Variants in ZSCAN21 observed in about 807,000 individuals in gnomAD.
ZSCAN21 encodes the protein zinc finger and SCAN domain containing 21.
A neutral mutation model predicts 35.6 loss-of-function variants in ZSCAN21; 26 were observed. The ratio of observed to expected loss-of-function variants is 0.73; its 90% CI spans 0.54 to 1.01. The LOEUF (loss-of-function observed/expected upper bound fraction) is 1.01. Ranked by LOEUF, ZSCAN21 falls within the 50% of genes least tolerant of loss-of-function variation. The pLI, the probability that ZSCAN21 is intolerant of heterozygous loss-of-function variation, is 0.00. For synonymous variants in ZSCAN21, 219 were observed against 219.3 expected (o/e 1.00, Z 0.01); for missense variants, 593 against 587.1 (o/e 1.01, Z -0.10).
intron 1 of ZSCAN21, chr7:100,051,676 G>C (rs1791886002): frequency 6.6e-6 from 1 of 151,856 alleles, no homozygotes; most frequent in South Asian, 2.1e-4. Flanking sequence ...TAGAATCTAT[G>C]GTAATTTGAT....
Position 100,064,952 on chromosome 7 carries a change from CAT to C in ZSCAN21, c.*340_*341del. The C allele has an allele frequency of 6.2e-7, 1 of 1,606,664 alleles. No homozygotes were observed. The highest frequency in any genetic ancestry group is 8.5e-7 in the Non-Finnish European group (1 of 1,175,488). ...AACATTAAGATTGTTTAATTTTTAA[CAT>C]ATATTCAAGAATTTTAATTTGTAAA... On this transcript the variant is annotated 3_prime_UTR_variant, in exon 4 of 4. Coordinates refer to ENST00000292450, the MANE Select transcript of ZSCAN21 (RefSeq NM_145914.3).
chr7:100,053,909 A>G (rs932361743), intron 1 of ZSCAN21, among the ~76,000 whole-genome samples: 1 of 151,980 alleles, frequency 6.6e-6, no homozygotes, highest in Non-Finnish European at 1.5e-5. Context: ...CCAGTTCACC[A>G]TGTTGGCCAG....
Position 100,057,822 on chromosome 7 carries a change from G to A in ZSCAN21, c.524G>A (p.Trp175Ter). 6.2e-7 allele frequency: 1 copy of A among 1,614,016 alleles called. No homozygotes were observed. ...PLETSHKYES[W>*]GPLYIQESGE... ...GAGACCAGTCACAAATACGAGTCTTGGGGGCCCCTGTACATCCAAGAGTCT... is the reference window on the plus strand; with the variant it reads ...GAGACCAGTCACAAATACGAGTCTTAGGGGCCCCTGTACATCCAAGAGTCT... The change falls in exon 3 of 4, where the codon TGG becomes TAG. Residue 175 changes from tryptophan to a stop codon, truncating the protein, a stop_gained. Transcript: ENST00000292450. LOFTEE classifies it high-confidence loss of function.
chr7:100,053,545 A>ACATACATACAT (rs1554357976), intron 1 of ZSCAN21, among the ~76,000 whole-genome samples: 1 of 130,380 alleles, frequency 7.7e-6, no homozygotes, highest in African/African-American at 3.1e-5. Context: ...ATACATACAT[A>ACATACATACAT]ATTTTTTTTT....
At chr7:100,053,546 A>ATACATAGTTTTTT in intron 1 of ZSCAN21, among the ~76,000 whole-genome samples, 1 of 79,486 alleles carries the variant, frequency 1.3e-5, no homozygotes, top group Non-Finnish European at 2.6e-5. Flanking sequence ...TACATACATA[A>ATACATAGTTTTTT]TTTTTTTTTT....
intron 3 of ZSCAN21, among the ~76,000 whole-genome samples, chr7:100,062,647 C>T (rs1283482599): frequency 6.7e-6 from 1 of 150,010 alleles, no homozygotes; most frequent in East Asian, 2.0e-4. Context: ...AATCCCAGCA[C>T]GTGGATCACC....
chr7:100,055,331 C>G (rs1792036857), intron 1 of ZSCAN21, among the ~76,000 whole-genome samples: 1 of 151,916 alleles, frequency 6.6e-6, no homozygotes, highest in Admixed American at 6.6e-5. Context: ...GTGGCGCGAT[C>G]TCGGCTCATT....
intron 3 of ZSCAN21, among the ~76,000 whole-genome samples, chr7:100,060,983 A>G (rs966386004): frequency 6.6e-6 from 1 of 151,032 alleles, no homozygotes; most frequent in South Asian, 2.1e-4. Flanking sequence ...ACCTGAACCC[A>G]GGAGGTGGAG....
chr7:100,064,096 G>A lies in ZSCAN21; in HGVS notation c.901G>A (p.Gly301Arg), dbSNP rs1792498212. The stretch of plus-strand genomic sequence containing the variant: ...CACCAAACACAGGAGAACACACACT[G>A]GGGAGAAACCTTACGTGTGCACCAA... ...NLTKHRRTHT[G>R]EKPYVCTKCG... The change falls in exon 4 of 4, where the codon GGG becomes AGG. Residue 301 changes from glycine to arginine, a missense_variant. Coordinates refer to ENST00000292450, the MANE Select transcript of ZSCAN21 (RefSeq NM_145914.3). 6.2e-7 allele frequency: 1 copy of A among 1,614,046 alleles called. No individual in the cohort carries two copies. Among genetic ancestry groups the A allele is most frequent in the South Asian group, 1.1e-5 (1 of 91,086 alleles).
At chr7:100,062,535 C>T (rs565549576) in intron 3 of ZSCAN21, among the ~76,000 whole-genome samples, 50 of 149,492 alleles carry the variant, frequency 3.3e-4, no homozygotes, top group Non-Finnish European at 6.4e-4. Context: ...GCAGAGGTTG[C>T]GGTGAGCTGA....
chr7:100,054,801 T>G (rs1260359599), intron 1 of ZSCAN21, among the ~76,000 whole-genome samples: 1 of 135,064 alleles, frequency 7.4e-6, no homozygotes, highest in Non-Finnish European at 1.5e-5. Flanking sequence ...ATCACGCCAC[T>G]GTACTCTAGC....
chr7:100,057,035 C>G lies in ZSCAN21; in HGVS notation c.29C>G (p.Pro10Arg). The G allele has an allele frequency of 6.2e-7, 1 of 1,612,964 alleles. No individual in the cohort carries two copies. Among genetic ancestry groups the G allele is most frequent in the South Asian group, 1.1e-5 (1 of 90,982 alleles). The change falls in exon 2 of 4, where the codon CCA (proline) becomes CGA (arginine). Residue 10 changes from proline to arginine, a missense_variant. By Grantham distance (103) the Pro-to-Arg change is moderately radical. Transcript: ENST00000292450. Reference protein sequence around the residue: MMTKVLGMAPVLGPRPPQEQ... With the variant: MMTKVLGMARVLGPRPPQEQ... ...ATGACCAAGGTACTAGGCATGGCCC[C>G]AGTTCTGGGCCCTAGGCCTCCACAG...
chr7:100,055,976 T>C (rs1433271411), intron 1 of ZSCAN21, among the ~76,000 whole-genome samples: 1 of 150,170 alleles, frequency 6.7e-6, no homozygotes, highest in African/African-American at 2.5e-5. Flanking sequence ...AGTCTCGCTC[T>C]GTCGCCCAGG....
rs1305405908 is a variant in ZSCAN21, at chr7:100,064,780, G to T, written c.*163G>T. 1 of 1,614,166 alleles carries T rather than the reference G, an allele frequency of 6.2e-7. No individual in the cohort carries two copies. Among genetic ancestry groups the T allele is most frequent in the South Asian group, 1.1e-5 (1 of 91,086 alleles). On this transcript the variant is annotated 3_prime_UTR_variant, in exon 4 of 4. Transcript: ENST00000292450. Reference sequence around the variant, plus strand: ...GAGCTCCACAGCAACATGGCAGGCAGGAGGTCCTCAGAAGGTGTCAGGAGG... The same window carrying T: ...GAGCTCCACAGCAACATGGCAGGCATGAGGTCCTCAGAAGGTGTCAGGAGG...
intron 1 of ZSCAN21, among the ~76,000 whole-genome samples, chr7:100,054,462 T>A (rs1339268775): frequency 2.1e-3 from 319 of 151,354 alleles, no homozygotes; most frequent in Admixed American, 4.1e-3. Context: ...GTTGGTCAGG[T>A]TGGTCTCGAA....
chr7:100,062,241 C>CAT (rs1288859282), intron 3 of ZSCAN21, among the ~76,000 whole-genome samples: 1 of 149,708 alleles, frequency 6.7e-6, no homozygotes, highest in Non-Finnish European at 1.5e-5. Context: ...CTGCAGCAGT[C>CAT]ATTCTCCCTT....
rs1234486878 is a variant in ZSCAN21 at position 100,063,897 on chromosome 7, G to A, written c.702G>A (p.Glu234=). 6 of 1,613,952 alleles carry A rather than the reference G, an allele frequency of 3.7e-6. No individual in the cohort carries two copies. The highest frequency in any genetic ancestry group is 5.1e-6 in the Non-Finnish European group (6 of 1,180,042). Residue 234 remains glutamate, a synonymous_variant, in exon 4 of 4, where the codon GAG becomes GAA. Transcript: ENST00000292450. ...IISVIIANKP[E]ASLERQCVNL... The stretch of plus-strand genomic sequence containing the variant: ...CTGTGATTATCGCCAATAAACCTGA[G>A]GCCAGCTTAGAGAGGCAGTGCGTAA...
At chr7:100,050,013 G>A (rs963599439) in intron 1 of ZSCAN21, among the ~76,000 whole-genome samples, 172 bp downstream of exon 1, 1 of 152,220 alleles carries the variant, frequency 6.6e-6, no homozygotes, top group Non-Finnish European at 1.5e-5. Flanking sequence ...ACCAGCTGGT[G>A]GGGGCGCTGG....
Position 100,063,776 on chromosome 7 carries a change from T to A in ZSCAN21, c.593-12T>A. On this transcript the variant is annotated splice_polypyrimidine_tract_variant and intron_variant, in intron 3 of 3. Transcript: ENST00000292450. ...AACAACTGAAGTATCCTTAATCTGCTTATTGTTTCAGATTGCAGATTGAGT... is the reference window on the plus strand; with the variant it reads ...AACAACTGAAGTATCCTTAATCTGCATATTGTTTCAGATTGCAGATTGAGT... 1 of 1,593,590 alleles carries A rather than the reference T, an allele frequency of 6.3e-7. No individual in the cohort carries two copies. Among genetic ancestry groups the A allele is most frequent in the Non-Finnish European group, 8.5e-7 (1 of 1,171,628 alleles).
Sources: allele counts gnomAD v4.1 joint callset (sites outside exome capture counted in the v4.1 genomes callset), GRCh38; gene constraint gnomAD v4.1.1; transcripts MANE v1.5; gene names NCBI Gene and HGNC (gene_info 2026-07-23, HGNC 2026-07-21).